Variants in FBXO32 observed in about 807,000 individuals in gnomAD.
FBXO32 encodes the protein F-box protein 32.
In FBXO32, 15 loss-of-function variants were observed where a neutral mutation model predicts 48.3. The observed-to-expected ratio is 0.31, with a 90% confidence interval of 0.21 to 0.48. The LOEUF (loss-of-function observed/expected upper bound fraction) is 0.48. Ranked by LOEUF, FBXO32 falls within the 20% of genes least tolerant of loss-of-function variation. FBXO32 has a pLI of 0.99. For synonymous variants in FBXO32, 154 were observed against 165.9 expected (o/e 0.93, Z 0.55); for missense variants, 309 against 432.7 (o/e 0.71, Z 2.54).
At chr8:123,538,334 T>C (rs967282691) in intron 1 of FBXO32, among the ~76,000 whole-genome samples, 11 of 152,206 alleles carry the variant, frequency 7.2e-5, no homozygotes, top group Admixed American at 7.2e-4. Context: ...CGGGCTCTTG[T>C]TTGGGCCGTT....
At position 123,540,567 on chromosome 8, in the gene FBXO32, G is replaced by A. The variant is rs986032191; in HGVS notation, c.116+332C>T. 1.3e-5 allele frequency among the ~76,000 whole-genome samples: 2 copies of A among 152,244 alleles called. No homozygotes were observed. Among genetic ancestry groups the A allele is most frequent in the African/African-American group, 4.8e-5 (2 of 41,472 alleles). On this transcript the variant is annotated intron_variant, in intron 1 of 8. Coordinates refer to ENST00000517956, the MANE Select transcript of FBXO32 (RefSeq NM_058229.4). This position sits in a 1 kb window ranked among gnomAD's most constrained non-coding sequence, Gnocchi z 6.4. ...GCGCGACTCCGGTGTCCTTAAAGCA[G>A]GGACCACTAAAGCTGTGTGATTAAG...
chr8:123,531,996 C>CA lies in FBXO32; in HGVS notation c.280-7dup, dbSNP rs755882085. 1 of 1,613,942 alleles carries CA rather than the reference C, an allele frequency of 6.2e-7. No individual in the cohort carries two copies. Among genetic ancestry groups the CA allele is most frequent in the East Asian group, 2.2e-5 (1 of 44,878 alleles). On this transcript the variant is annotated splice_polypyrimidine_tract_variant and splice_region_variant and intron_variant, in intron 3 of 8. Coordinates refer to ENST00000517956, the MANE Select transcript of FBXO32 (RefSeq NM_058229.4). Reference sequence around the variant, plus strand: ...AGGGTGCAATATCCATGGCGCTGAACATGAAAACAAAGGCACAGAAGTTAC... The same window carrying CA: ...AGGGTGCAATATCCATGGCGCTGAACAATGAAAACAAAGGCACAGAAGTTAC...
chr8:123,513,105 C>G lies in FBXO32; in HGVS notation c.651+93G>C. On this transcript the variant is annotated intron_variant, in intron 6 of 8. Coordinates refer to ENST00000517956, the MANE Select transcript of FBXO32 (RefSeq NM_058229.4). This position sits in a 1 kb window ranked among gnomAD's most constrained non-coding sequence, Gnocchi z 4.3. ...CAGATCAGAAAAGACCAGACTCTTC[C>G]GTCACAGGAGTGAATTCAAAGTCTT... The G allele has an allele frequency of 7.5e-7, 1 of 1,338,122 alleles. No individual in the cohort carries two copies. Among genetic ancestry groups the G allele is most frequent in the South Asian group, 1.3e-5 (1 of 75,378 alleles). 82.9% of individuals were successfully genotyped at this position (1,338,122 alleles called of 1,614,324 possible). A position where few individuals can be genotyped will look rare whatever the true frequency, so the allele number is the denominator to read the frequency against.
At position 123,506,526 on chromosome 8, in the gene FBXO32, G is replaced by A; in HGVS notation, c.700C>T (p.Leu234=). 4 of 1,611,946 alleles carry A rather than the reference G, an allele frequency of 2.5e-6. No homozygotes were observed. Among genetic ancestry groups the A allele is most frequent in the Non-Finnish European group, 3.4e-6 (4 of 1,178,364 alleles). The change falls in exon 7 of 9, where the codon CTG becomes TTG. Residue 234 remains leucine, a synonymous_variant. Transcript: ENST00000517956. The surrounding 1 kb of genome is among the most constrained non-coding windows in gnomAD (Gnocchi z 4.0). ...TCGCTCAGCCTCTGCATGATGTTCA[G>A]TTGTAGGCACAAAGGCAGGTCAGTG... ...TFTDLPLCLQ[L]NIMQRLSDGR...
chr8:123,526,485 C>T (rs1249998196), intron 4 of FBXO32, among the ~76,000 whole-genome samples: 1 of 152,124 alleles, frequency 6.6e-6, no homozygotes, highest in East Asian at 1.9e-4. Context: ...CCTCAGCCTC[C>T]CAAAGTGCTG....
In FBXO32 at chr8:123,516,563, C is replaced by T. The variant is rs182580921; in HGVS notation, c.373-2230G>A. Among the ~76,000 whole-genome samples, 123 of 152,288 alleles carry T rather than the reference C, an allele frequency of 8.1e-4. 1 individual carries two copies. The highest frequency in any genetic ancestry group is 1.4e-3 in the Non-Finnish European group (94 of 68,024). On this transcript the variant is annotated intron_variant, in intron 4 of 8. Coordinates refer to ENST00000517956, the MANE Select transcript of FBXO32 (RefSeq NM_058229.4). ...AGGAGAATGGAAACTTTTGGATCAA[C>T]GGCCTAGGCAATTCAGAGCACCTCT... is the stretch of plus-strand genomic sequence containing the variant.
Position 123,513,990 on chromosome 8 carries a change from C to G in FBXO32, c.466+250G>C. 2 of 414,416 alleles carry G rather than the reference C, an allele frequency of 4.8e-6. No homozygotes were observed. The highest frequency in any genetic ancestry group is 8.5e-6 in the Non-Finnish European group (2 of 234,050). The allele number at this position is 414,416 out of a possible 1,614,324, so 25.7% of individuals were successfully genotyped here. On this transcript the variant is annotated intron_variant, in intron 5 of 8. Transcript: ENST00000517956. The surrounding 1 kb of genome is among the most constrained non-coding windows in gnomAD (Gnocchi z 4.3). ...ACCTGTGTCTACACTGAGAAGCCTA[C>G]GAGGCTTATAGTAGGGCAAGTGGAT...
intron 6 of FBXO32, among the ~76,000 whole-genome samples, chr8:123,509,062 A>C (rs1026471891): frequency 6.6e-6 from 1 of 152,176 alleles, no homozygotes; most frequent in Non-Finnish European, 1.5e-5. Flanking sequence ...TGCCCACCGC[A>C]TACTGTCACT....
intron 4 of FBXO32, among the ~76,000 whole-genome samples, chr8:123,530,667 G>A (rs1052326192): frequency 6.6e-6 from 1 of 152,196 alleles, no homozygotes; most frequent in Non-Finnish European, 1.5e-5. Flanking sequence ...CCAGGCTGGA[G>A]TGCAATGGCG....
Position 123,499,739 on chromosome 8 carries a change from A to G in FBXO32, c.*3634T>C, listed in dbSNP as rs1372133188. 1 of 152,210 alleles carries G rather than the reference A, an allele frequency of 6.6e-6. No homozygotes were observed. Among genetic ancestry groups the G allele is most frequent in the Non-Finnish European group, 1.5e-5 (1 of 68,044 alleles). The allele number at this position is 152,210 out of a possible 1,614,324, so 9.4% of individuals were successfully genotyped here. A position where few individuals can be genotyped will look rare whatever the true frequency, so the allele number is the denominator to read the frequency against. The stretch of plus-strand genomic sequence containing the variant: ...CATACCAATTGTTTAGACAATTGAA[A>G]TTCCAAGCTCTTTCTCTTCTCCCAT... On this transcript the variant is annotated 3_prime_UTR_variant, in exon 9 of 9. Transcript: ENST00000517956.
rs190141982 is a variant in FBXO32 at position 123,513,830 on chromosome 8, T to C, written c.466+410A>G. On this transcript the variant is annotated intron_variant, in intron 5 of 8. Transcript: ENST00000517956. This position sits in a 1 kb window ranked among gnomAD's most constrained non-coding sequence, Gnocchi z 4.3. ...CTCCTCATGGGCCTCAGTTTCACCATGTGTACAATGAGTCAGTTGAACCAG... is the reference window on the plus strand; with the variant it reads ...CTCCTCATGGGCCTCAGTTTCACCACGTGTACAATGAGTCAGTTGAACCAG... Among the ~76,000 whole-genome samples, 1 of 152,216 alleles carries C rather than the reference T, an allele frequency of 6.6e-6. No homozygotes were observed. The highest frequency in any genetic ancestry group is 6.5e-5 in the Admixed American group (1 of 15,278).
At chr8:123,521,657 A>T (rs1231762995) in intron 4 of FBXO32, among the ~76,000 whole-genome samples, 1 of 152,074 alleles carries the variant, frequency 6.6e-6, no homozygotes, top group Non-Finnish European at 1.5e-5. Flanking sequence ...TATCATTCTC[A>T]TACAGAATTG....
chr8:123,532,117 T>C lies in FBXO32; in HGVS notation c.280-127A>G, dbSNP rs563572322. On this transcript the variant is annotated intron_variant, in intron 3 of 8. Transcript: ENST00000517956. ...AGCTTGATGCCTGTCTTAGGTGACC[T>C]GGGGCACTGGCTTCTTTCCTGTACC... The C allele has an allele frequency of 2.0e-5, 30 of 1,467,140 alleles. No homozygotes were observed. The South Asian group carries it at 4.3e-4, about 21-fold the overall frequency. 90.9% of individuals were successfully genotyped at this position (1,467,140 alleles called of 1,614,324 possible).
At chr8:123,509,535 A>T (rs1816696173) in intron 6 of FBXO32, among the ~76,000 whole-genome samples, 1 of 151,958 alleles carries the variant, frequency 6.6e-6, no homozygotes. Flanking sequence ...CGCCATCCCT[A>T]CTAAAAATAC....
intron 4 of FBXO32, among the ~76,000 whole-genome samples, chr8:123,518,005 G>A (rs1187615306): frequency 6.6e-6 from 1 of 152,196 alleles, no homozygotes; most frequent in Non-Finnish European, 1.5e-5. Flanking sequence ...CCACCCTGAA[G>A]CTATAGCACC....
At chr8:123,511,695 C>T (rs1443043590) in intron 6 of FBXO32, among the ~76,000 whole-genome samples, 5 of 152,000 alleles carry the variant, frequency 3.3e-5, no homozygotes, top group Admixed American at 2.6e-4. Flanking sequence ...AGGCTGGTCT[C>T]GAACTCCTGA....
chr8:123,526,005 A>G (rs971514873), intron 4 of FBXO32, among the ~76,000 whole-genome samples: 2 of 151,820 alleles, frequency 1.3e-5, no homozygotes, highest in Non-Finnish European at 2.9e-5. Flanking sequence ...AGTCTGTCCA[A>G]TGTCCTTTTC....
chr8:123,509,677 G>A (rs1166006186), intron 6 of FBXO32, among the ~76,000 whole-genome samples: 1 of 152,064 alleles, frequency 6.6e-6, no homozygotes, highest in Non-Finnish European at 1.5e-5. Flanking sequence ...TCTAGCTTGG[G>A]CAAGGGGAAT....
At position 123,540,009 on chromosome 8, in the gene FBXO32, C is replaced by A. The variant is rs1455239035; in HGVS notation, c.116+890G>T. On this transcript the variant is annotated intron_variant, in intron 1 of 8. Coordinates refer to ENST00000517956, the MANE Select transcript of FBXO32 (RefSeq NM_058229.4). The surrounding 1 kb of genome is among the most constrained non-coding windows in gnomAD (Gnocchi z 6.4). ...CCAGGCTACCTTGCGTACTAGCCGG[C>A]GCTGGCATCGTTAGCCAAGCTGAGC... Among the ~76,000 whole-genome samples the A allele has an allele frequency of 3.9e-5, 6 of 152,210 alleles. No homozygotes were observed. Among genetic ancestry groups the A allele is most frequent in the Non-Finnish European group, 8.8e-5 (6 of 68,024 alleles).
Sources: gnomAD v4.1 joint callset for allele counts (sites outside exome capture counted in the v4.1 genomes callset) on GRCh38, gnomAD v4.1.1 for gene constraint, Gnocchi (gnomAD v3.1) non-coding constraint, MANE v1.5 for transcripts, NCBI Gene and HGNC (gene_info 2026-07-23, HGNC 2026-07-21) for gene names.